The following ITGA8 variants were observed in gnomAD, a reference collection of about 807,000 sequenced individuals.
The protein encoded by ITGA8 is integrin alpha-8.
In ITGA8, 91 loss-of-function variants were observed where a neutral mutation model predicts 142.3. The ratio of observed to expected loss-of-function variants is 0.64; its 90% CI spans 0.54 to 0.76. The LOEUF (loss-of-function observed/expected upper bound fraction) is 0.76. Among genes scored for constraint, ITGA8 ranks in the 30% least tolerant of loss-of-function variants. The probability of loss-of-function intolerance (pLI) is 0.00; values close to 1 mark genes in which losing one functional copy is unlikely to be tolerated. For missense variants in ITGA8, 1,406 were observed against 1,327.7 expected, an observed-to-expected ratio of 1.06 and a Z score of -0.92; for synonymous variants, 505 against 485.2, an observed-to-expected ratio of 1.04 and a Z score of -0.54.
In ITGA8 at chr10:15,683,859, G is replaced by A. The variant is rs186520350; in HGVS notation, c.568+145C>T. On this transcript the variant is annotated intron_variant, in intron 4 of 29. Transcript: ENST00000378076. ...GCTGTCACATCAAGACACCTGTAAG[G>A]CTGACAAAAATCTTTACCTACCCCC... The A allele has an allele frequency of 3.8e-6, 3 of 790,012 alleles. No individual in the cohort carries two copies. In the Admixed American group the frequency reaches 8.0e-5, roughly 21 times the overall value. 48.9% of individuals were successfully genotyped at this position (790,012 alleles called of 1,614,324 possible).
Position 15,695,511 on chromosome 10 carries a change from C to A in ITGA8, c.344-7473G>T, listed in dbSNP as rs369214504. On this transcript the variant is annotated intron_variant, in intron 2 of 29. Transcript: ENST00000378076. ...TTCTTTCATGCCAAATAAGCTGACA[C>A]ACTGCTCAGTACTATGTCAACCTAG... Among the ~76,000 whole-genome samples the A allele has an allele frequency of 1.9e-3, 288 of 152,316 alleles. 2 individuals are homozygous for A. The highest frequency in any genetic ancestry group is 6.7e-3 in the African/African-American group (279 of 41,594).
At chr10:15,623,532 A>T (rs1483619680) in intron 13 of ITGA8, among the ~76,000 whole-genome samples, 1 of 152,054 alleles carries the variant, frequency 6.6e-6, no homozygotes, top group Admixed American at 6.6e-5. Flanking sequence ...CAAAAAATAC[A>T]AAAATTAGCC....
chr10:15,663,383 C>T (rs1297542697), intron 8 of ITGA8, among the ~76,000 whole-genome samples: 1 of 151,388 alleles, frequency 6.6e-6, no homozygotes, highest in Non-Finnish European at 1.5e-5. Flanking sequence ...AGCCTCAAAA[C>T]ACAAAATATC....
chr10:15,673,144 T>C (rs1378390310), intron 6 of ITGA8, among the ~76,000 whole-genome samples: 1 of 152,184 alleles, frequency 6.6e-6, no homozygotes, highest in Non-Finnish European at 1.5e-5. Flanking sequence ...AGTGCAATGG[T>C]GCAGTCTCAG....
intron 27 of ITGA8, among the ~76,000 whole-genome samples, chr10:15,544,112 T>G (rs78385081): frequency 0.055 from 8,393 of 152,084 alleles, 747 homozygotes; most frequent in African/African-American, 0.19. Context: ...CTAAGCAACA[T>G]AGCAAGATAT....
intron 23 of ITGA8, among the ~76,000 whole-genome samples, chr10:15,586,287 G>A (rs1298376758): frequency 6.6e-6 from 1 of 151,990 alleles, no homozygotes; most frequent in African/African-American, 2.4e-5. Flanking sequence ...TCAAACTCCT[G>A]ACCTCAGGTG....
chr10:15,710,245 TTA>T (rs1835339088), intron 2 of ITGA8, among the ~76,000 whole-genome samples: 1 of 152,238 alleles, frequency 6.6e-6, no homozygotes, highest in African/African-American at 2.4e-5. Flanking sequence ...ATTTTGACTT[TTA>T]TGTTTTTTAT....
At chr10:15,522,310 T>C (rs1300854806) in intron 28 of ITGA8, among the ~76,000 whole-genome samples, 3 of 152,358 alleles carry the variant, frequency 2.0e-5, no homozygotes, top group South Asian at 4.1e-4. Context: ...TTATGTACCC[T>C]TCCTTAGTCA....
chr10:15,592,327 A>T lies in ITGA8; in HGVS notation c.2212-23T>A, dbSNP rs141040354. 91 of 1,544,508 alleles carry T rather than the reference A, an allele frequency of 5.9e-5. 1 individual carries two copies. In the Middle Eastern group the frequency reaches 1.9e-3, roughly 32 times the overall value. ...ATACTAAAAAATAAAATAAAATCAC[A>T]CAAGAGTAGCTTGTACACAACATAA... On this transcript the variant is annotated intron_variant, in intron 21 of 29. Transcript: ENST00000378076.
At position 15,516,927 on chromosome 10, in the gene ITGA8, A is replaced by T; in HGVS notation, c.*231T>A. On this transcript the variant is annotated 3_prime_UTR_variant, in exon 30 of 30. Coordinates refer to ENST00000378076, the MANE Select transcript of ITGA8 (RefSeq NM_003638.3). Reference sequence around the variant, plus strand: ...ATTAAAGCAAAAGAAAATCTTCCACAATTGCTGATGGCTTCTCCAGCTTTG... The same window carrying T: ...ATTAAAGCAAAAGAAAATCTTCCACTATTGCTGATGGCTTCTCCAGCTTTG... 2.4e-6 allele frequency: 1 copy of T among 411,514 alleles called. No individual in the cohort carries two copies. The highest frequency in any genetic ancestry group is 4.4e-6 in the Non-Finnish European group (1 of 228,150). The allele number at this position is 411,514 out of a possible 1,614,324, so 25.5% of individuals were successfully genotyped here. A position where few individuals can be genotyped will look rare whatever the true frequency, so the allele number is the denominator to read the frequency against.
intron 2 of ITGA8, among the ~76,000 whole-genome samples, chr10:15,700,826 T>C (rs1835148701): frequency 6.6e-6 from 1 of 152,156 alleles, no homozygotes; most frequent in Non-Finnish European, 1.5e-5. Flanking sequence ...GTCTACTCAT[T>C]GTCATTCACT....
At chr10:15,657,721 T>G (rs1207128278) in intron 10 of ITGA8, among the ~76,000 whole-genome samples, 1 of 152,092 alleles carries the variant, frequency 6.6e-6, no homozygotes. Flanking sequence ...GGCAATCGAT[T>G]TTTCTCTCCT....
At chr10:15,580,829 A>C (rs1053663366) in intron 23 of ITGA8, among the ~76,000 whole-genome samples, 2 of 152,252 alleles carry the variant, frequency 1.3e-5, no homozygotes, top group African/African-American at 4.8e-5. Context: ...CAAACTTGAT[A>C]GTAAAAGGCT....
intron 11 of ITGA8, 79 bp from the exon 12 acceptor site, chr10:15,647,130 A>C (rs1245324662): frequency 9.5e-7 from 1 of 1,053,622 alleles, no homozygotes; most frequent in Non-Finnish European, 1.4e-6. Flanking sequence ...CAACTAGACT[A>C]GTAAATTTCC....
intron 25 of ITGA8, among the ~76,000 whole-genome samples, chr10:15,559,193 C>A (rs1272245903): frequency 1.3e-5 from 2 of 152,254 alleles, no homozygotes; most frequent in Non-Finnish European, 2.9e-5. Flanking sequence ...TAGCATGGCA[C>A]ACACAGGTCC....
intron 17 of ITGA8, among the ~76,000 whole-genome samples, chr10:15,606,634 G>A (rs1256184863): frequency 6.6e-6 from 1 of 152,078 alleles, no homozygotes; most frequent in Non-Finnish European, 1.5e-5. Flanking sequence ...TTAGAGCTGC[G>A]GCTTCATTGA....
At chr10:15,601,144 C>A (rs1227506913) in intron 20 of ITGA8, among the ~76,000 whole-genome samples, 1 of 151,996 alleles carries the variant, frequency 6.6e-6, no homozygotes, top group Non-Finnish European at 1.5e-5. Flanking sequence ...GAGGCTGAGG[C>A]AGGAGAATCA....
chr10:15,678,896 A>T (rs1834683517), intron 4 of ITGA8, 113 bp from the exon 5 acceptor site: 1 of 584,302 alleles, frequency 1.7e-6, no homozygotes. Flanking sequence ...ATTAAAAATG[A>T]TCAATATGTG....
chr10:15,716,892 C>T (rs1294573927), intron 2 of ITGA8, among the ~76,000 whole-genome samples: 1 of 152,070 alleles, frequency 6.6e-6, no homozygotes, highest in Non-Finnish European at 1.5e-5. Context: ...GAACTCCTGA[C>T]CTCAAGTGAT....
Sources: gnomAD v4.1 joint callset for allele counts (sites outside exome capture counted in the v4.1 genomes callset) on GRCh38, gnomAD v4.1.1 for gene constraint, MANE v1.5 for transcripts, NCBI Gene and HGNC (gene_info 2026-07-23, HGNC 2026-07-21) for gene names.